The following GABBR2 variants were observed in gnomAD, a reference collection of about 807,000 sequenced individuals.
The protein encoded by GABBR2 is gamma-aminobutyric acid type B receptor subunit 2.
GABBR2 carries 23 observed loss-of-function variants against 105.6 expected under a neutral mutation model. The ratio of observed to expected loss-of-function variants is 0.22; its 90% CI spans 0.16 to 0.31. GABBR2 has a LOEUF of 0.31. GABBR2 is among the 10% of genes least tolerant of loss of function. The pLI is 1.00. For synonymous variants in GABBR2, 478 were observed against 499.7 expected (o/e 0.96, Z 0.58); for missense variants, 734 against 1,245.5 (o/e 0.59, Z 6.18).
intron 4 of GABBR2, among the ~76,000 whole-genome samples, chr9:98,493,890 T>C (rs1827225789): frequency 6.6e-6 from 1 of 152,224 alleles, no homozygotes; most frequent in East Asian, 1.9e-4. Context: ...AATTTCTGCT[T>C]CCTGGAGCTT....
intron 7 of GABBR2, among the ~76,000 whole-genome samples, chr9:98,427,862 T>A (rs192849358): frequency 6.6e-6 from 1 of 152,258 alleles, no homozygotes; most frequent in Admixed American, 6.5e-5. Context: ...ATAGCCAGCA[T>A]CCACTTGCCA....
At chr9:98,582,066 T>C (rs7850782) in intron 1 of GABBR2, among the ~76,000 whole-genome samples, 28,067 of 152,152 alleles carry the variant, frequency 0.18, 2,802 homozygotes, top group Non-Finnish European at 0.22. Context: ...GCGGGCAAAG[T>C]TTTGGCCCCA....
At chr9:98,465,672 T>C (rs2808550) in intron 6 of GABBR2, among the ~76,000 whole-genome samples, 70,683 of 152,038 alleles carry the variant, frequency 0.46, 16,862 homozygotes, top group Middle Eastern at 0.53. Context: ...CATCAAAACT[T>C]TACAGATGAC....
chr9:98,324,951 C>G (rs1407456538), intron 13 of GABBR2, among the ~76,000 whole-genome samples: 2 of 152,184 alleles, frequency 1.3e-5, no homozygotes, highest in African/African-American at 4.8e-5. Context: ...TACACACACA[C>G]GCACACACAT....
intron 1 of GABBR2, among the ~76,000 whole-genome samples, chr9:98,680,787 C>T (rs369704351): frequency 1.3e-4 from 20 of 152,182 alleles, no homozygotes; most frequent in African/African-American, 4.8e-4. Flanking sequence ...GACACTGACC[C>T]AGAAAGCATC....
chr9:98,293,290 T>C lies in GABBR2; in HGVS notation c.2660+495A>G, dbSNP rs191477581. Among the ~76,000 whole-genome samples the C allele has an allele frequency of 1.9e-3, 289 of 152,312 alleles. 1 individual carries two copies. Among genetic ancestry groups the C allele is most frequent in the Admixed American group, 4.6e-3 (71 of 15,306 alleles). On this transcript the variant is annotated intron_variant, in intron 18 of 18. Coordinates refer to ENST00000259455, the MANE Select transcript of GABBR2 (RefSeq NM_005458.8). ...CACTCCCTGACCCCCTTCTGTGCTT[T>C]TCCTCCAAAGCTCCTATTGTTTGAC... is the stretch of plus-strand genomic sequence containing the variant.
At chr9:98,299,781 G>A (rs1830439334) in intron 16 of GABBR2, among the ~76,000 whole-genome samples, 1 of 152,154 alleles carries the variant, frequency 6.6e-6, no homozygotes, top group African/African-American at 2.4e-5. Context: ...ACCTACCTCA[G>A]GGGGAGGTTG....
At chr9:98,372,211 G>C (rs1461879806) in intron 11 of GABBR2, among the ~76,000 whole-genome samples, 2 of 152,078 alleles carry the variant, frequency 1.3e-5, no homozygotes, top group African/African-American at 4.8e-5. Flanking sequence ...GGCTGGAACA[G>C]GCTGGCCACC....
At position 98,473,110 on chromosome 9, in the gene GABBR2, G is replaced by A. The variant is rs767022560; in HGVS notation, c.999+36C>T. The A allele has an allele frequency of 2.7e-6, 4 of 1,476,454 alleles. No individual in the cohort carries two copies. The African/African-American group carries it at 4.2e-5, about 15-fold the overall frequency. 91.5% of individuals were successfully genotyped at this position (1,476,454 alleles called of 1,614,324 possible). ...ATCAGACAAGATGATCAAAGGAGGT[G>A]GGCCAGAAGGTTGAAATGGGGACCA... On this transcript the variant is annotated intron_variant, in intron 6 of 18. Coordinates refer to ENST00000259455, the MANE Select transcript of GABBR2 (RefSeq NM_005458.8).
Position 98,343,586 on chromosome 9 carries a change from G to A in GABBR2, c.1893+19129C>T, listed in dbSNP as rs141257300. On this transcript the variant is annotated intron_variant, in intron 13 of 18. Coordinates refer to ENST00000259455, the MANE Select transcript of GABBR2 (RefSeq NM_005458.8). ...TAAAAGAAAAGAATCCTGGCCGGGC[G>A]CGGTGGCTCACACCTGTAATCCCAG... 6.3e-4 allele frequency among the ~76,000 whole-genome samples: 96 copies of A among 152,288 alleles called. No individual in the cohort carries two copies. The East Asian group carries it at 7.9e-3, about 13-fold the overall frequency.
chr9:98,429,215 C>G (rs766378996), intron 7 of GABBR2, among the ~76,000 whole-genome samples: 1 of 151,828 alleles, frequency 6.6e-6, no homozygotes, highest in Non-Finnish European at 1.5e-5. Flanking sequence ...TCTCGGCTCA[C>G]TGCAACCTCC....
At chr9:98,321,311 C>T (rs1249204698) in intron 13 of GABBR2, among the ~76,000 whole-genome samples, 1 of 152,114 alleles carries the variant, frequency 6.6e-6, no homozygotes, top group African/African-American at 2.4e-5. Context: ...CCTCAGAGGC[C>T]CCCTCCATGC....
At chr9:98,597,078 A>G (rs193277079) in intron 1 of GABBR2, among the ~76,000 whole-genome samples, 8 of 152,242 alleles carry the variant, frequency 5.3e-5, no homozygotes, top group Middle Eastern at 3.4e-3. Flanking sequence ...TTAGGTCAAC[A>G]AGGGATCCCA....
intron 2 of GABBR2, among the ~76,000 whole-genome samples, chr9:98,563,743 G>T (rs771024657): frequency 2.0e-5 from 3 of 152,144 alleles, no homozygotes; most frequent in Non-Finnish European, 2.9e-5. Flanking sequence ...TCTAACCTAG[G>T]ATTGTTTTTC....
rs193280603 is a variant in GABBR2 at position 98,642,423 on chromosome 9, G to A, written c.322-64351C>T. ...CCTCTTCCAGCCCATTCCCCATGCC[G>A]TCCTAAGAATCTTCTTGCATCTCAG... On this transcript the variant is annotated intron_variant, in intron 1 of 18. Transcript: ENST00000259455. Among the ~76,000 whole-genome samples the A allele has an allele frequency of 7.9e-5, 12 of 152,284 alleles. No individual in the cohort carries two copies. In the East Asian group the frequency reaches 1.5e-3, roughly 20 times the overall value.
chr9:98,700,133 C>T (rs532212171), intron 1 of GABBR2, among the ~76,000 whole-genome samples: 1 of 152,306 alleles, frequency 6.6e-6, no homozygotes, highest in South Asian at 2.1e-4. Flanking sequence ...ATCTTGATCA[C>T]CTGTTGGACA....
chr9:98,468,518 T>A (rs184805425), intron 6 of GABBR2, among the ~76,000 whole-genome samples: 51 of 152,290 alleles, frequency 3.3e-4, no homozygotes, highest in African/African-American at 1.2e-3. Flanking sequence ...GATAAGCATA[T>A]TTTAGTGTCA....
At chr9:98,585,331 G>A (rs1483905204) in intron 1 of GABBR2, among the ~76,000 whole-genome samples, 1 of 151,746 alleles carries the variant, frequency 6.6e-6, no homozygotes, top group African/African-American at 2.4e-5. Context: ...ATGAGTTCAT[G>A]TCCTTTGTAG....
intron 13 of GABBR2, among the ~76,000 whole-genome samples, chr9:98,327,874 A>T (rs543852358): frequency 8.3e-6 from 1 of 120,946 alleles, no homozygotes; most frequent in African/African-American, 2.9e-5. Flanking sequence ...CTCAAAAAAA[A>T]TAAAATAAAA....
Sources: gnomAD v4.1 joint callset for allele counts (sites outside exome capture counted in the v4.1 genomes callset) on GRCh38, gnomAD v4.1.1 for gene constraint, MANE v1.5 for transcripts, NCBI Gene and HGNC (gene_info 2026-07-23, HGNC 2026-07-21) for gene names.